MAP2K1: variants seen among roughly 807,000 people sequenced by gnomAD.
The protein encoded by MAP2K1 is dual specificity mitogen-activated protein kinase kinase 1.
A neutral mutation model predicts 46.3 loss-of-function variants in MAP2K1; 16 were observed. The observed-to-expected ratio is 0.35, with a 90% CI of 0.23 to 0.52. MAP2K1 has a LOEUF of 0.52. Among genes scored for constraint, MAP2K1 ranks in the 20% least tolerant of loss-of-function variants. The pLI, the probability that MAP2K1 is intolerant of heterozygous loss-of-function variation, is 0.94. For missense variants in MAP2K1, 263 were observed against 497.1 expected (o/e 0.53, Z 4.48); for synonymous variants, 183 against 185.6 (o/e 0.99, Z 0.11).
chr15:66,405,908 A>T (rs1244341997), intron 1 of MAP2K1, among the ~76,000 whole-genome samples: 1 of 152,188 alleles, frequency 6.6e-6, no homozygotes, highest in Non-Finnish European at 1.5e-5. Flanking sequence ...GCTGCTAACC[A>T]TTTGTCTTCC....
At chr15:66,489,591 A>T (rs1368734186) in intron 9 of MAP2K1, 127 bp from the exon 10 acceptor site, 5 of 814,922 alleles carry the variant, frequency 6.1e-6, no homozygotes, top group Non-Finnish European at 1.1e-5. Context: ...TGCTTAGAAC[A>T]GGAGGATGAA....
At chr15:66,399,659 C>T (rs752835926) in intron 1 of MAP2K1, among the ~76,000 whole-genome samples, 12 of 152,080 alleles carry the variant, frequency 7.9e-5, no homozygotes, top group Non-Finnish European at 4.4e-5. Flanking sequence ...TGCAGTGGCA[C>T]GATCTCATGT....
chr15:66,468,578 G>C (rs1421726174), intron 5 of MAP2K1, among the ~76,000 whole-genome samples: 1 of 152,050 alleles, frequency 6.6e-6, no homozygotes, highest in African/African-American at 2.4e-5. Flanking sequence ...GTTCTGAGTA[G>C]AGCCCACACT....
chr15:66,395,202 G>T (rs887455498), intron 1 of MAP2K1, among the ~76,000 whole-genome samples: 1 of 152,130 alleles, frequency 6.6e-6, no homozygotes, highest in African/African-American at 2.4e-5. Context: ...TGCAGTATAT[G>T]CCTATGATGA....
At position 66,387,231 on chromosome 15, in the gene MAP2K1, C is replaced by A; in HGVS notation, c.-117C>A. 1.2e-6 allele frequency: 1 copy of A among 824,150 alleles called. No homozygotes were observed. The highest frequency in any genetic ancestry group is 1.9e-6 in the Non-Finnish European group (1 of 534,496). 51.1% of individuals were successfully genotyped at this position (824,150 alleles called of 1,614,324 possible). Reference sequence around the variant, plus strand: ...CGCGGGGCGCACCCGCTGAAGGCAGCCCCGGGGCCCGCGGCCCGGACTTGG... The same window carrying A: ...CGCGGGGCGCACCCGCTGAAGGCAGACCCGGGGCCCGCGGCCCGGACTTGG... On this transcript the variant is annotated 5_prime_UTR_variant, in exon 1 of 11. Coordinates refer to ENST00000307102, the MANE Select transcript of MAP2K1 (RefSeq NM_002755.4).
intron 1 of MAP2K1, among the ~76,000 whole-genome samples, chr15:66,417,504 G>T (rs1380017133): frequency 6.6e-6 from 1 of 152,150 alleles, no homozygotes; most frequent in African/African-American, 2.4e-5. Context: ...GAGCCCAGGA[G>T]ATTGAGGCTG....
intron 5 of MAP2K1, chr15:66,453,601 C>T (rs1278237624): frequency 2.8e-6 from 2 of 702,002 alleles, no homozygotes; most frequent in Non-Finnish European, 5.2e-6. Context: ...GAGCAGTCTC[C>T]TTGTCCCTGC....
intron 1 of MAP2K1, among the ~76,000 whole-genome samples, chr15:66,413,773 G>A (rs2093417307): frequency 6.6e-6 from 1 of 152,204 alleles, no homozygotes; most frequent in African/African-American, 2.4e-5. Flanking sequence ...GTGTGATACA[G>A]CACAGGCTAT....
At chr15:66,433,433 G>A (rs886372144) in intron 1 of MAP2K1, among the ~76,000 whole-genome samples, 9 of 152,192 alleles carry the variant, frequency 5.9e-5, no homozygotes, top group African/African-American at 1.9e-4. Flanking sequence ...CTTGCAGATA[G>A]CTGCCTTCCT....
chr15:66,392,639 C>T (rs183727613), intron 1 of MAP2K1, among the ~76,000 whole-genome samples: 39 of 151,322 alleles, frequency 2.6e-4, no homozygotes, highest in African/African-American at 7.8e-4. Context: ...CCGCAACCTC[C>T]GCCCCCCAGG....
At chr15:66,464,507 G>T (rs1283302567) in intron 5 of MAP2K1, among the ~76,000 whole-genome samples, 1 of 152,134 alleles carries the variant, frequency 6.6e-6, no homozygotes, top group Non-Finnish European at 1.5e-5. Flanking sequence ...AAAAGGAAAA[G>T]AAATTGAAAA....
At chr15:66,483,105 G>A (rs1015237520) in intron 6 of MAP2K1, among the ~76,000 whole-genome samples, 1 of 152,180 alleles carries the variant, frequency 6.6e-6, no homozygotes, top group African/African-American at 2.4e-5. Context: ...GCTGAGCCAG[G>A]ATTGAAAGCT....
chr15:66,402,127 A>G (rs907602102), intron 1 of MAP2K1, among the ~76,000 whole-genome samples: 11 of 152,234 alleles, frequency 7.2e-5, no homozygotes, highest in African/African-American at 2.7e-4. Flanking sequence ...ATTAAGAAAA[A>G]ATATTTCATT....
intron 1 of MAP2K1, chr15:66,402,032 G>A: frequency 2.3e-6 from 3 of 1,311,878 alleles, no homozygotes; most frequent in Non-Finnish European, 3.0e-6. Flanking sequence ...TCATTTTAAA[G>A]TATTTCTGAG....
At chr15:66,479,486 G>A (rs1184148947) in intron 5 of MAP2K1, among the ~76,000 whole-genome samples, 11 of 152,222 alleles carry the variant, frequency 7.2e-5, no homozygotes, top group Admixed American at 7.2e-4. Flanking sequence ...GAAAGTCTAT[G>A]TGTAGGAGAC....
chr15:66,469,238 A>G (rs1465348501), intron 5 of MAP2K1, among the ~76,000 whole-genome samples: 3 of 152,252 alleles, frequency 2.0e-5, no homozygotes, highest in African/African-American at 7.2e-5. Context: ...CCTGGGCGAC[A>G]GAGCAAGACT....
Position 66,435,263 on chromosome 15 carries a change from A to G in MAP2K1, c.291+26A>G, listed in dbSNP as rs1405340657. On this transcript the variant is annotated intron_variant, in intron 2 of 10. Transcript: ENST00000307102. ...GTGAGTTTGCCTTGATTAACAGGTA[A>G]TTGGATTATTTCTCAGGGTACTTAG... The G allele has an allele frequency of 2.5e-6, 4 of 1,581,746 alleles. No individual in the cohort carries two copies. The Admixed American group carries it at 6.7e-5, about 26-fold the overall frequency.
At chr15:66,456,690 C>T (rs980904360) in intron 5 of MAP2K1, among the ~76,000 whole-genome samples, 1 of 152,212 alleles carries the variant, frequency 6.6e-6, no homozygotes, top group South Asian at 2.1e-4. Flanking sequence ...GGAGTGCTTG[C>T]CCATGGCTGG....
intron 5 of MAP2K1, among the ~76,000 whole-genome samples, chr15:66,478,442 GTATATATATATACAGGTA>G (rs1567023739): frequency 1.4e-5 from 2 of 138,396 alleles, no homozygotes; most frequent in Admixed American, 7.3e-5. Flanking sequence ...ATACACACAG[GTATATATATATACAGGTA>G]TATATATATA....
Sources: gnomAD v4.1 joint callset for allele counts (sites outside exome capture counted in the v4.1 genomes callset) on GRCh38, gnomAD v4.1.1 for gene constraint, MANE v1.5 for transcripts, NCBI Gene and HGNC (gene_info 2026-07-23, HGNC 2026-07-21) for gene names.